The following IL11 variants were observed in gnomAD, a reference collection of about 807,000 sequenced individuals.
IL11 encodes the protein interleukin-11.
IL11 carries 17 observed loss-of-function variants against 18.1 expected under a neutral mutation model. The observed-to-expected ratio is 0.94, with a 90% CI of 0.64 to 1.41. The LOEUF (loss-of-function observed/expected upper bound fraction) is 1.41, where lower values mean the gene tolerates loss of function less well. Among genes scored for constraint, IL11 ranks in the 40% most tolerant of loss-of-function variants. The pLI is 0.00. For synonymous variants in IL11, 144 were observed against 134.1 expected (o/e 1.07, Z -0.51); for missense variants, 309 against 262.8 (o/e 1.18, Z -1.22).
Position 55,364,471 on chromosome 19 carries a change from A to G in IL11, c.*1536T>C, listed in dbSNP as rs1300343703. ...GCAGAAATTCTGTAAAATACAGACA[A>G]TCATACACATTAAAAGTCACCCACA... is the stretch of plus-strand genomic sequence containing the variant. On this transcript the variant is annotated 3_prime_UTR_variant, in exon 5 of 5. Transcript: ENST00000264563. The G allele has an allele frequency of 6.6e-6, 1 of 152,224 alleles. No homozygotes were observed. Among genetic ancestry groups the G allele is most frequent in the East Asian group, 1.9e-4 (1 of 5,206 alleles). 9.4% of individuals were successfully genotyped at this position (152,224 alleles called of 1,614,324 possible). A position where few individuals can be genotyped will look rare whatever the true frequency, so the allele number is the denominator to read the frequency against.
chr19:55,367,413 GTC>G (rs1335596649), intron 4 of IL11, among the ~76,000 whole-genome samples: 1 of 150,548 alleles, frequency 6.6e-6, no homozygotes, highest in Non-Finnish European at 1.5e-5. Flanking sequence ...GGGGCCTGGG[GTC>G]TCAGGGTCTG....
Position 55,366,132 on chromosome 19 carries a change from G to A in IL11, c.475C>T (p.Pro159Ser), listed in dbSNP as rs747042402. 20 of 1,522,426 alleles carry A rather than the reference G, an allele frequency of 1.3e-5. No homozygotes were observed. Among genetic ancestry groups the A allele is most frequent in the South Asian group, 3.6e-5 (3 of 82,422 alleles). 94.3% of individuals were successfully genotyped at this position (1,522,426 alleles called of 1,614,324 possible). The change falls in exon 5 of 5, where the codon CCC becomes TCC. Residue 159 changes from proline (P) to serine (S), a missense_variant. By Grantham distance (74) the Pro-to-Ser change is moderately conservative. Coordinates refer to ENST00000264563, the MANE Select transcript of IL11 (RefSeq NM_000641.4). The surrounding 1 kb of genome is among the most constrained non-coding windows in gnomAD (Gnocchi z 4.6). ...GCTGAGGAGGGGGGCGCCAGCGGGG[G>A]CGCCGGCGGGTCCGGGGGTGGCTGG... Reference protein sequence around the residue: ...LPQPPPDPPAPPLAPPSSAWG... With the variant: ...LPQPPPDPPASPLAPPSSAWG...
Position 55,370,284 on chromosome 19 carries a change from C to G in IL11, c.7+20G>C, listed in dbSNP as rs4252547. On this transcript the variant is annotated intron_variant, in intron 1 of 4. Transcript: ENST00000264563. ...TCCCTGCCTCCCTGTCCCCTCCACC[C>G]TCCCCATGAACCAACTTACAGTTCA... The G allele has an allele frequency of 1.3e-6, 2 of 1,494,624 alleles. No individual in the cohort carries two copies. Among genetic ancestry groups the G allele is most frequent in the African/African-American group, 2.8e-5 (2 of 70,550 alleles). The allele number at this position is 1,494,624 out of a possible 1,614,324, so 92.6% of individuals were successfully genotyped here. A position where few individuals can be genotyped will look rare whatever the true frequency, so the allele number is the denominator to read the frequency against.
chr19:55,369,308 C>T lies in IL11; in HGVS notation c.8-367G>A, dbSNP rs527511245. 3.6e-5 allele frequency: 6 copies of T among 167,142 alleles called. No homozygotes were observed. In the East Asian group the frequency reaches 6.6e-4, roughly 18 times the overall value. The allele number at this position is 167,142 out of a possible 1,614,324, so 10.4% of individuals were successfully genotyped here. A position where few individuals can be genotyped will look rare whatever the true frequency, so the allele number is the denominator to read the frequency against. On this transcript the variant is annotated intron_variant, in intron 1 of 4. Coordinates refer to ENST00000264563, the MANE Select transcript of IL11 (RefSeq NM_000641.4). This position sits in a 1 kb window ranked among gnomAD's most constrained non-coding sequence, Gnocchi z 6.1. Reference sequence around the variant, plus strand: ...GCAGACGCGGCCCGGGGCGGGTAGACGGGCCGGGCGTCTCCCGTCCGCCCC... The same window carrying T: ...GCAGACGCGGCCCGGGGCGGGTAGATGGGCCGGGCGTCTCCCGTCCGCCCC...
chr19:55,367,078 G>A (rs1421989103), intron 4 of IL11, among the ~76,000 whole-genome samples: 2 of 152,116 alleles, frequency 1.3e-5, no homozygotes, highest in African/African-American at 2.4e-5. Context: ...GAACTCATGG[G>A]TGAGGGCTGG....
chr19:55,368,277 G>T lies in IL11; in HGVS notation c.362C>A (p.Thr121Asn). Residue 121 changes from threonine to asparagine, a missense_variant, in exon 4 of 5, where the codon ACC becomes AAC. Thr to Asn is a moderately conservative substitution (Grantham distance 65). Transcript: ENST00000264563. ...CAGGGTGCCCAGCTCGGGCTCCAGG[G>T]TCTTCAGGGAAGAGCCACCTGCCCG... ...LRRAGGSSLK[T>N]LEPELGTLQA... 2.6e-6 allele frequency: 4 copies of T among 1,559,934 alleles called. No homozygotes were observed. The highest frequency in any genetic ancestry group is 3.5e-6 in the Non-Finnish European group (4 of 1,151,606).
rs980514763 is a variant in IL11 at position 55,367,450 on chromosome 19, CT to C, written c.429+759del. On this transcript the variant is annotated intron_variant, in intron 4 of 4. Transcript: ENST00000264563. ...GGAGGTCCATGGTTTTCTTTTCCTT[CT>C]TTTTTTTTTTTTTTTTTTTTTTGAG... 9.4e-3 allele frequency among the ~76,000 whole-genome samples: 658 copies of C among 69,800 alleles called. 8 individuals carry two copies. Among genetic ancestry groups the C allele is most frequent in the African/African-American group, 0.033 (614 of 18,450 alleles). 45.8% of individuals were successfully genotyped at this position (69,800 alleles called of 152,430 possible). A position where few individuals can be genotyped will look rare whatever the true frequency, so the allele number is the denominator to read the frequency against.
At chr19:55,368,440 G>C (rs1017455566) in intron 3 of IL11, 43 bp downstream of exon 3, 1 of 1,577,824 alleles carries the variant, frequency 6.3e-7, no homozygotes, top group African/African-American at 1.3e-5. Context: ...CCCCTTCACT[G>C]CCTGCCTCCC....
At position 55,369,637 on chromosome 19, in the gene IL11, CG is replaced by C. The variant is rs1339344282; in HGVS notation, c.7+666del. Among the ~76,000 whole-genome samples, 1 of 104,588 alleles carries C rather than the reference CG, an allele frequency of 9.6e-6. No homozygotes were observed. Among genetic ancestry groups the C allele is most frequent in the Non-Finnish European group, 1.8e-5 (1 of 55,182 alleles). The allele number at this position is 104,588 out of a possible 152,430, so 68.6% of individuals were successfully genotyped here. A position where few individuals can be genotyped will look rare whatever the true frequency, so the allele number is the denominator to read the frequency against. ...CTGGCGGCGGGGGGCGCGGGGGGCGCGGGGGGCGCGGGGGTCCGGAGCTCGC... is the reference window on the plus strand; with the variant it reads ...CTGGCGGCGGGGGGCGCGGGGGGCGCGGGGGCGCGGGGGTCCGGAGCTCGC... On this transcript the variant is annotated intron_variant, in intron 1 of 4. Coordinates refer to ENST00000264563, the MANE Select transcript of IL11 (RefSeq NM_000641.4). The surrounding 1 kb of genome is among the most constrained non-coding windows in gnomAD (Gnocchi z 6.1).
rs1657941820 is a variant in IL11, at chr19:55,366,774, T to A, written c.430-597A>T. 6.6e-6 allele frequency among the ~76,000 whole-genome samples: 1 copy of A among 152,028 alleles called. No homozygotes were observed. Among genetic ancestry groups the A allele is most frequent in the Non-Finnish European group, 1.5e-5 (1 of 68,010 alleles). ...TTCCAGCGAGCCGAAATGGCACCAT[T>A]GCACTCTAGCCTGGGCAACAGAGCG... On this transcript the variant is annotated intron_variant, in intron 4 of 4. Transcript: ENST00000264563. The surrounding 1 kb of genome is among the most constrained non-coding windows in gnomAD (Gnocchi z 4.6).
chr19:55,369,705 C>A lies in IL11; in HGVS notation c.7+599G>T, dbSNP rs1480466376. 1.9e-4 allele frequency among the ~76,000 whole-genome samples: 28 copies of A among 146,346 alleles called. No individual in the cohort carries two copies. The highest frequency in any genetic ancestry group is 3.2e-4 in the Non-Finnish European group (21 of 65,756). On this transcript the variant is annotated intron_variant, in intron 1 of 4. Transcript: ENST00000264563. The surrounding 1 kb of genome is among the most constrained non-coding windows in gnomAD (Gnocchi z 6.1). ...CGGCCGCCCCGCCCACCCGGCCACCCGCCAGCCAATCAGCGCTCCCCGGCC... is the reference window on the plus strand; with the variant it reads ...CGGCCGCCCCGCCCACCCGGCCACCAGCCAGCCAATCAGCGCTCCCCGGCC...
rs1275492828 is a variant in IL11 at position 55,366,682 on chromosome 19, T to C, written c.430-505A>G. On this transcript the variant is annotated intron_variant, in intron 4 of 4. Coordinates refer to ENST00000264563, the MANE Select transcript of IL11 (RefSeq NM_000641.4). The surrounding 1 kb of genome is among the most constrained non-coding windows in gnomAD (Gnocchi z 4.6). Reference sequence around the variant, plus strand: ...AAAAAATTATCCGGGTGTGGCAGTGTGCACCTGAAGTCCCAGCTACTCAGG... The same window carrying C: ...AAAAAATTATCCGGGTGTGGCAGTGCGCACCTGAAGTCCCAGCTACTCAGG... Among the ~76,000 whole-genome samples, 1 of 151,980 alleles carries C rather than the reference T, an allele frequency of 6.6e-6. No individual in the cohort carries two copies. Among genetic ancestry groups the C allele is most frequent in the Admixed American group, 6.6e-5 (1 of 15,250 alleles).
Position 55,366,254 on chromosome 19 carries a change from A to T in IL11, c.430-77T>A. Reference sequence around the variant, plus strand: ...CAGGGCAGGGGTGCTGTGGAGCTGCAGCTGAATCGGGGCTGCATATTCACA... The same window carrying T: ...CAGGGCAGGGGTGCTGTGGAGCTGCTGCTGAATCGGGGCTGCATATTCACA... On this transcript the variant is annotated intron_variant, in intron 4 of 4. Coordinates refer to ENST00000264563, the MANE Select transcript of IL11 (RefSeq NM_000641.4). The surrounding 1 kb of genome is among the most constrained non-coding windows in gnomAD (Gnocchi z 4.6). 7.1e-7 allele frequency: 1 copy of T among 1,408,946 alleles called. No individual in the cohort carries two copies. The highest frequency in any genetic ancestry group is 1.5e-5 in the African/African-American group (1 of 67,058). 87.3% of individuals were successfully genotyped at this position (1,408,946 alleles called of 1,614,324 possible).
Position 55,366,590 on chromosome 19 carries a change from G to A in IL11, c.430-413C>T, listed in dbSNP as rs2123239615. Among the ~76,000 whole-genome samples the A allele has an allele frequency of 6.6e-6, 1 of 152,170 alleles. No homozygotes were observed. The highest frequency in any genetic ancestry group is 1.9e-4 in the East Asian group (1 of 5,170). ...CTTTGGGAGGCCGAGGCGGGCGGAT[G>A]GCCTGAGCTCAGGAGTTTGTGACCA... On this transcript the variant is annotated intron_variant, in intron 4 of 4. Coordinates refer to ENST00000264563, the MANE Select transcript of IL11 (RefSeq NM_000641.4). This position sits in a 1 kb window ranked among gnomAD's most constrained non-coding sequence, Gnocchi z 4.6.
Position 55,368,760 on chromosome 19 carries a change from C to T in IL11, c.180+9G>A. 1 of 1,569,354 alleles carries T rather than the reference C, an allele frequency of 6.4e-7. No individual in the cohort carries two copies. Among genetic ancestry groups the T allele is most frequent in the South Asian group, 1.2e-5 (1 of 85,244 alleles). On this transcript the variant is annotated intron_variant, in intron 2 of 4. Coordinates refer to ENST00000264563, the MANE Select transcript of IL11 (RefSeq NM_000641.4). The stretch of plus-strand genomic sequence containing the variant: ...ACTCCTGTGCTGGCCCCAGCCCAGT[C>T]TCTCCTACCAGCTGTGCAGCCAGCT...
At position 55,368,319 on chromosome 19, in the gene IL11, T is replaced by A. The variant is rs369342350; in HGVS notation, c.320A>T (p.His107Leu). ...ACCTGCCCGGCGCAGCCACTGCACG[T>A]GCCGCAGGTAGGACAGTAGGTCCGC... ...LRADLLSYLR[H>L]VQWLRRAGGS... Residue 107 changes from histidine to leucine, a missense_variant, in exon 4 of 5, where the codon CAC (histidine) becomes CTC (leucine). Transcript: ENST00000264563. The A allele has an allele frequency of 6.0e-4, 965 of 1,595,838 alleles. 2 individuals carry two copies. The highest frequency in any genetic ancestry group is 8.0e-4 in the Non-Finnish European group (939 of 1,170,634).
intron 3 of IL11, 25 bp downstream of exon 3, chr19:55,368,457 TC>T: frequency 6.3e-7 from 1 of 1,587,210 alleles, no homozygotes; most frequent in Non-Finnish European, 8.6e-7. Context: ...TCCCACCTTG[TC>T]CCCAGCCCAC....
Position 55,366,015 on chromosome 19 carries a change from G to A in IL11, c.592C>T (p.Arg198Trp), listed in dbSNP as rs766720309. 6.9e-5 allele frequency: 111 copies of A among 1,603,312 alleles called. 1 individual carries two copies. The highest frequency in any genetic ancestry group is 5.1e-5 in the Admixed American group (3 of 58,760). ...AVRGLLLLKT[R>W]L Reference sequence around the variant, plus strand: ...TGGCTTTGGGCCCCGGGTCACAGCCGAGTCTTCAGCAGCAGCAGTCCCCTC... The same window carrying A: ...TGGCTTTGGGCCCCGGGTCACAGCCAAGTCTTCAGCAGCAGCAGTCCCCTC... The change falls in exon 5 of 5, where the codon CGG (arginine) becomes TGG (tryptophan). Residue 198 changes from arginine (R) to tryptophan (W), a missense_variant. Transcript: ENST00000264563. This position sits in a 1 kb window ranked among gnomAD's most constrained non-coding sequence, Gnocchi z 4.6.
At position 55,365,886 on chromosome 19, in the gene IL11, T is replaced by A; in HGVS notation, c.*121A>T. ...TGCCCCCCAGGCCTCACGGAAGGACTGTCTCTAACTAGGGGGAGATAATGG... is the reference window on the plus strand; with the variant it reads ...TGCCCCCCAGGCCTCACGGAAGGACAGTCTCTAACTAGGGGGAGATAATGG... On this transcript the variant is annotated 3_prime_UTR_variant, in exon 5 of 5. Transcript: ENST00000264563. 6.8e-7 allele frequency: 1 copy of A among 1,464,196 alleles called. No individual in the cohort carries two copies. Among genetic ancestry groups the A allele is most frequent in the Non-Finnish European group, 9.3e-7 (1 of 1,080,380 alleles). 90.7% of individuals were successfully genotyped at this position (1,464,196 alleles called of 1,614,324 possible).
Sources: allele counts gnomAD v4.1 joint callset (sites outside exome capture counted in the v4.1 genomes callset), GRCh38; gene constraint gnomAD v4.1.1; non-coding constraint Gnocchi (gnomAD v3.1); transcripts MANE v1.5; gene names NCBI Gene and HGNC (gene_info 2026-07-23, HGNC 2026-07-21).